The following NHSL1 variants were observed in gnomAD, a reference collection of about 807,000 sequenced individuals.
The protein encoded by NHSL1 is NHS-like protein 1.
Under a neutral mutation model 95.0 loss-of-function variants are expected in NHSL1, and 48 were observed. That is an observed-to-expected ratio of 0.51 (90% CI 0.40 to 0.64). NHSL1 has a LOEUF of 0.64. NHSL1 is among the 30% of genes least tolerant of loss of function. The pLI is 0.00. For missense variants in NHSL1, 1,971 were observed against 2,077.7 expected, an observed-to-expected ratio of 0.95 and a Z score of 1.00; for synonymous variants, 783 against 833.9, an observed-to-expected ratio of 0.94 and a Z score of 1.05.
chr6:138,581,654 C>T (rs1784057909), intron 1 of NHSL1, among the ~76,000 whole-genome samples: 1 of 142,832 alleles, frequency 7.0e-6, no homozygotes, highest in East Asian at 2.1e-4. Flanking sequence ...ATCATGCCAC[C>T]GTACTCTGGC....
chr6:138,668,143 G>T (rs1286826550), intron 1 of NHSL1, among the ~76,000 whole-genome samples: 1 of 152,142 alleles, frequency 6.6e-6, no homozygotes, highest in African/African-American at 2.4e-5. Context: ...CAGAGTGAGA[G>T]ACCTTGTTAG....
chr6:138,442,594 T>C (rs756343230), intron 4 of NHSL1, among the ~76,000 whole-genome samples: 1 of 152,248 alleles, frequency 6.6e-6, no homozygotes, highest in Non-Finnish European at 1.5e-5. Flanking sequence ...TGAAAAGCTT[T>C]TTCTTCAATC....
chr6:138,539,119 T>C (rs545344235), intron 1 of NHSL1, among the ~76,000 whole-genome samples: 1 of 152,326 alleles, frequency 6.6e-6, no homozygotes, highest in South Asian at 2.1e-4. Context: ...ACTGCTGACA[T>C]TAAATCAAAT....
chr6:138,428,710 A>C (rs1489581910), intron 7 of NHSL1, among the ~76,000 whole-genome samples: 1 of 152,220 alleles, frequency 6.6e-6, no homozygotes, highest in Non-Finnish European at 1.5e-5. Flanking sequence ...GGAGAGTCCA[A>C]GAATTGGGAA....
rs747112030 is a variant in NHSL1, at chr6:138,430,459, G to C, written c.3886C>G (p.Pro1296Ala). ...CCAGTATCCGCACTGTTCTCGGCTG[G>C]CTCCTCCTGCTTGGGGGCTGGTGAG... is the stretch of plus-strand genomic sequence containing the variant. ...DVSPAPKQEE[P>A]AENSADTGGD... Residue 1296 changes from proline (P) to alanine (A), a missense_variant, in exon 6 of 8, where the codon CCA becomes GCA. Coordinates refer to ENST00000343505, the MANE Select transcript of NHSL1 (RefSeq NM_001144060.2). This position sits in a 1 kb window ranked among gnomAD's most constrained non-coding sequence, Gnocchi z 4.7. The C allele has an allele frequency of 1.0e-5, 16 of 1,548,332 alleles. No homozygotes were observed. In the African/African-American group the frequency reaches 2.1e-4, roughly 20 times the overall value.
chr6:138,536,602 C>CTTTTTTTTTTTTTTTTTTT (rs563509738), intron 1 of NHSL1, among the ~76,000 whole-genome samples: 1 of 80,020 alleles, frequency 1.2e-5, no homozygotes, highest in African/African-American at 4.6e-5. Context: ...CATATGTCAT[C>CTTTTTTTTTTTTTTTTTTT]TTTTTTTTTT....
intron 1 of NHSL1, among the ~76,000 whole-genome samples, chr6:138,557,434 C>A (rs1783234513): frequency 6.6e-6 from 1 of 152,132 alleles, no homozygotes; most frequent in African/African-American, 2.4e-5. Flanking sequence ...AACACAGGAG[C>A]AACACCAAGC....
intron 1 of NHSL1, among the ~76,000 whole-genome samples, chr6:138,624,180 C>T (rs907467923): frequency 3.3e-5 from 5 of 152,126 alleles, no homozygotes; most frequent in African/African-American, 9.7e-5. Flanking sequence ...CAATGGTGGA[C>T]GCTAAGAGAG....
At chr6:138,684,428 A>C (rs937069906) in intron 1 of NHSL1, among the ~76,000 whole-genome samples, 1 of 151,962 alleles carries the variant, frequency 6.6e-6, no homozygotes, top group African/African-American at 2.4e-5. Flanking sequence ...CGGGCGGATC[A>C]CAAGGTCAGG....
chr6:138,572,159 C>T (rs913595282), exon 1 of NHSL1: 1 of 431,556 alleles, frequency 2.3e-6, no homozygotes, highest in Non-Finnish European at 4.1e-6. Context: ...TTTCTAGATC[C>T]GCGATATCCA....
chr6:138,574,789 C>T (rs1236874641), upstream of NHSL1, among the ~76,000 whole-genome samples: 1 of 152,020 alleles, frequency 6.6e-6, no homozygotes, highest in African/African-American at 2.4e-5. Flanking sequence ...GAAATCGAGG[C>T]TTCAGTGAGC....
intron 5 of NHSL1, among the ~76,000 whole-genome samples, chr6:138,438,070 A>G (rs1583167030): frequency 1.3e-5 from 2 of 152,362 alleles, no homozygotes; most frequent in Admixed American, 1.3e-4. Context: ...ATTGACTCAA[A>G]TTTTTAAAGT....
chr6:138,629,384 TC>T (rs71761865), intron 1 of NHSL1, among the ~76,000 whole-genome samples: 37,174 of 149,888 alleles, frequency 0.25, 4,695 homozygotes, highest in South Asian at 0.32. Context: ...TTTCTTTCTT[TC>T]TTTCTTTTTT....
chr6:138,581,579 C>A (rs1784056613), intron 1 of NHSL1, among the ~76,000 whole-genome samples: 1 of 151,260 alleles, frequency 6.6e-6, no homozygotes, highest in South Asian at 2.1e-4. Flanking sequence ...GTAATCCCAG[C>A]TGCTTGGGAG....
chr6:138,654,777 G>A (rs1166173910), intron 1 of NHSL1, among the ~76,000 whole-genome samples: 1 of 152,104 alleles, frequency 6.6e-6, no homozygotes, highest in Non-Finnish European at 1.5e-5. Flanking sequence ...ACTATTCCAT[G>A]TATACTGAGG....
intron 1 of NHSL1, among the ~76,000 whole-genome samples, chr6:138,605,383 G>T (rs1004208282): frequency 6.6e-6 from 1 of 152,152 alleles, no homozygotes; most frequent in South Asian, 2.1e-4. Context: ...GCGCCAACAG[G>T]CCTGGCTAAT....
chr6:138,429,953 A>G (rs1197586378), intron 6 of NHSL1, 110 bp from the exon 7 acceptor site: 23 of 1,091,750 alleles, frequency 2.1e-5, no homozygotes, highest in Admixed American at 5.5e-5. Context: ...TGTGAGAACC[A>G]CAGGGAGATG....
intron 1 of NHSL1, among the ~76,000 whole-genome samples, chr6:138,658,310 T>A (rs531169114): frequency 5.9e-5 from 9 of 152,366 alleles, no homozygotes; most frequent in Non-Finnish European, 1.0e-4. Flanking sequence ...TCCTCCTGCA[T>A]AACTGAAACT....
chr6:138,600,847 T>C (rs1784361632), intron 1 of NHSL1, among the ~76,000 whole-genome samples: 1 of 152,160 alleles, frequency 6.6e-6, no homozygotes, highest in African/African-American at 2.4e-5. Flanking sequence ...CTTTAGAAAA[T>C]TCATCCCACA....
Sources: gnomAD v4.1 joint callset for allele counts (sites outside exome capture counted in the v4.1 genomes callset) on GRCh38, gnomAD v4.1.1 for gene constraint, Gnocchi (gnomAD v3.1) non-coding constraint, MANE v1.5 for transcripts, NCBI Gene and HGNC (gene_info 2026-07-23, HGNC 2026-07-21) for gene names.